The following CELF2 variants were observed in gnomAD, a reference collection of about 807,000 sequenced individuals.
The protein encoded by CELF2 is CUG triplet repeat RNA-binding protein 2.
CELF2 carries 8 observed loss-of-function variants against 62.6 expected under a neutral mutation model. The observed-to-expected ratio is 0.13, with a 90% confidence interval of 0.07 to 0.23. The LOEUF (loss-of-function observed/expected upper bound fraction) is 0.23. Ranked by LOEUF, CELF2 falls within the 10% of genes least tolerant of loss-of-function variation. The pLI is 1.00. For synonymous variants in CELF2, 258 were observed against 250.0 expected, an observed-to-expected ratio of 1.03 and a Z score of -0.30; for missense variants, 333 against 671.0, an observed-to-expected ratio of 0.50 and a Z score of 5.56.
At chr10:11,141,818 T>A (rs998089234) in intron 1 of CELF2, among the ~76,000 whole-genome samples, 1 of 152,214 alleles carries the variant, frequency 6.6e-6, no homozygotes, top group African/African-American at 2.4e-5. Flanking sequence ...ACATAATGTA[T>A]GGTATGTAGT....
intron 9 of CELF2, among the ~76,000 whole-genome samples, chr10:11,293,449 TC>T (rs1358851115): frequency 5.9e-5 from 9 of 152,218 alleles, no homozygotes; most frequent in Non-Finnish European, 8.8e-5. Flanking sequence ...ATTGATCACT[TC>T]CACATCGTAT....
intron 8 of CELF2, among the ~76,000 whole-genome samples, chr10:11,278,767 A>G (rs2087106305): frequency 6.6e-6 from 1 of 152,240 alleles, no homozygotes. Flanking sequence ...AGCACTAGTC[A>G]ATGACCTAAC....
In CELF2 at chr10:11,285,074, G is replaced by A. The variant is rs139297995; in HGVS notation, c.842-3344G>A. ...GATGGATGGATAGTTGGGTGGTTAC[G>A]CGGAATGATGGATGGATGGATGGGT... On this transcript the variant is annotated intron_variant, in intron 8 of 12. Coordinates refer to ENST00000633077, the MANE Select transcript of CELF2 (RefSeq NM_001326342.2). This position sits in a 1 kb window ranked among gnomAD's most constrained non-coding sequence, Gnocchi z 4.3. Among the ~76,000 whole-genome samples the A allele has an allele frequency of 2.1e-4, 31 of 150,634 alleles. No homozygotes were observed. In the East Asian group the frequency reaches 4.5e-3, roughly 22 times the overall value.
intron 1 of CELF2, among the ~76,000 whole-genome samples, chr10:11,035,775 C>T (rs984604961): frequency 6.6e-6 from 1 of 152,192 alleles, no homozygotes; most frequent in Admixed American, 6.5e-5. Flanking sequence ...ATCTGAGTCT[C>T]AATGGACCAT....
intron 2 of CELF2, among the ~76,000 whole-genome samples, chr10:10,923,230 A>G (rs2065086967): frequency 6.6e-6 from 1 of 152,236 alleles, no homozygotes; most frequent in Non-Finnish European, 1.5e-5. Flanking sequence ...TGTGACGTCT[A>G]GGAAAAATGG....
chr10:10,863,785 G>A (rs149640797), intron 1 of CELF2, among the ~76,000 whole-genome samples: 12 of 152,202 alleles, frequency 7.9e-5, no homozygotes, highest in South Asian at 4.2e-4. Context: ...TCTTATAAAT[G>A]CCTGTATTAA....
In CELF2 at chr10:11,026,207, G is replaced by C. The variant is rs544652580; in HGVS notation, c.74+8044G>C. Among the ~76,000 whole-genome samples, 427 of 152,292 alleles carry C rather than the reference G, an allele frequency of 2.8e-3. 4 individuals are homozygous for C. Among genetic ancestry groups the C allele is most frequent in the Admixed American group, 5.8e-3 (89 of 15,302 alleles). ...GCTGCTTCCATTTTATATGATCCAT[G>C]TCATGATCCCACTGCCACCTGTTGC... On this transcript the variant is annotated intron_variant, in intron 1 of 12. Transcript: ENST00000633077.
chr10:11,322,642 T>TG (rs2095502501), intron 11 of CELF2, among the ~76,000 whole-genome samples: 1 of 152,052 alleles, frequency 6.6e-6, no homozygotes. Context: ...CTCATGGTTT[T>TG]TTTTTTTTTT....
At chr10:10,555,306 T>C in the CELF2 span, among the ~76,000 whole-genome samples, 19 of 150,122 alleles carry the variant, frequency 1.3e-4, no homozygotes, top group African/African-American at 4.7e-4. Context: ...ACTTCATCCA[T>C]GGTAAAGTTA....
the CELF2 span, among the ~76,000 whole-genome samples, chr10:10,707,385 AT>A: frequency 6.6e-6 from 1 of 152,208 alleles, no homozygotes; most frequent in Non-Finnish European, 1.5e-5. Context: ...TGTATTTTTA[AT>A]TTGGGGTAGG....
At position 11,321,523 on chromosome 10, in the gene CELF2, A is replaced by AG; in HGVS notation, c.1294+137_1294+138insG. ...AGTTGTTTTGTTATTCATGTTTAAA[A>AG]AAAAAAAAAACTGAAAGCTGGGCAT... On this transcript the variant is annotated intron_variant, in intron 11 of 12. Coordinates refer to ENST00000633077, the MANE Select transcript of CELF2 (RefSeq NM_001326342.2). The surrounding 1 kb of genome is among the most constrained non-coding windows in gnomAD (Gnocchi z 6.2). 1 of 725,748 alleles carries AG rather than the reference A, an allele frequency of 1.4e-6. No homozygotes were observed. The highest frequency in any genetic ancestry group is 2.7e-5 in the East Asian group (1 of 36,578). 45.0% of individuals were successfully genotyped at this position (725,748 alleles called of 1,614,324 possible). A position where few individuals can be genotyped will look rare whatever the true frequency, so the allele number is the denominator to read the frequency against.
the CELF2 span, among the ~76,000 whole-genome samples, chr10:10,717,407 A>G: frequency 2.6e-5 from 4 of 152,318 alleles, no homozygotes; most frequent in Admixed American, 6.5e-5. Flanking sequence ...AGTCAAATAC[A>G]GACACCTAAT....
intron 1 of CELF2, among the ~76,000 whole-genome samples, chr10:10,830,283 A>AAC (rs1198709479): frequency 2.0e-5 from 3 of 151,294 alleles, no homozygotes; most frequent in African/African-American, 7.3e-5. Context: ...TTCCTTTAAA[A>AAC]AAAAAAAAAA....
chr10:10,900,186 T>C (rs975025092), intron 1 of CELF2, among the ~76,000 whole-genome samples: 11 of 152,310 alleles, frequency 7.2e-5, no homozygotes, highest in African/African-American at 2.6e-4. Context: ...ACACAAACTC[T>C]TTCAGAAAAC....
chr10:11,188,559 A>T, intron 2 of CELF2, among the ~76,000 whole-genome samples: 1 of 150,658 alleles, frequency 6.6e-6, no homozygotes. Context: ...TGCTTTTAAC[A>T]TTTTCTCTTT....
chr10:11,205,288 C>T (rs988916451), intron 2 of CELF2, among the ~76,000 whole-genome samples: 1 of 152,154 alleles, frequency 6.6e-6, no homozygotes, highest in Non-Finnish European at 1.5e-5. Flanking sequence ...GCAGGCCTGT[C>T]GCGGCTGCAT....
chr10:10,873,713 G>A (rs1333804651), intron 1 of CELF2, among the ~76,000 whole-genome samples: 3 of 152,186 alleles, frequency 2.0e-5, no homozygotes, highest in Admixed American at 6.5e-5. Flanking sequence ...TCGAAGATCT[G>A]TTCATCTCTC....
At chr10:11,282,230 A>G (rs1464825421) in intron 8 of CELF2, among the ~76,000 whole-genome samples, 1 of 152,178 alleles carries the variant, frequency 6.6e-6, no homozygotes, top group East Asian at 1.9e-4. Context: ...ATGGATACCA[A>G]TGCACAGGAG....
At chr10:10,539,580 G>A in the CELF2 span, among the ~76,000 whole-genome samples, 1 of 151,998 alleles carries the variant, frequency 6.6e-6, no homozygotes, top group Non-Finnish European at 1.5e-5. Context: ...CCTGAACCAG[G>A]GTCCTGTGAT....
Sources: allele counts gnomAD v4.1 joint callset (sites outside exome capture counted in the v4.1 genomes callset), GRCh38; gene constraint gnomAD v4.1.1; non-coding constraint Gnocchi (gnomAD v3.1); transcripts MANE v1.5; gene names NCBI Gene and HGNC (gene_info 2026-07-23, HGNC 2026-07-21).